Variants in SKAP1 observed in about 807,000 individuals in gnomAD.
SKAP1 encodes src kinase associated phosphoprotein 1.
Under a neutral mutation model 58.5 loss-of-function variants are expected in SKAP1, and 44 were observed. That is an observed-to-expected ratio of 0.75 (90% CI 0.59 to 0.97). The LOEUF (loss-of-function observed/expected upper bound fraction) is 0.97, where lower values mean the gene tolerates loss of function less well. Ranked by LOEUF, SKAP1 falls within the 50% of genes least tolerant of loss-of-function variation. The probability of loss-of-function intolerance (pLI) is 0.00; values close to 1 mark genes in which losing one functional copy is unlikely to be tolerated. For synonymous variants in SKAP1, 127 were observed against 149.7 expected, an observed-to-expected ratio of 0.85 and a Z score of 1.11; for missense variants, 390 against 435.2, an observed-to-expected ratio of 0.90 and a Z score of 0.92.
At chr17:48,312,538 G>C (rs773965861) in intron 4 of SKAP1, among the ~76,000 whole-genome samples, 1 of 152,134 alleles carries the variant, frequency 6.6e-6, no homozygotes, top group Non-Finnish European at 1.5e-5. Flanking sequence ...ATAATACCAG[G>C]GTAAAGAAAA....
upstream of SKAP1, among the ~76,000 whole-genome samples, chr17:48,430,772 C>A (rs529177379): frequency 7.2e-5 from 11 of 152,352 alleles, no homozygotes; most frequent in African/African-American, 2.6e-4. Context: ...GGAAACCAAA[C>A]TGTGCTGTTC....
intron 4 of SKAP1, among the ~76,000 whole-genome samples, chr17:48,238,601 G>A (rs1370146329): frequency 1.3e-5 from 2 of 151,958 alleles, no homozygotes; most frequent in Non-Finnish European, 2.9e-5. Flanking sequence ...TCGAACTCCT[G>A]GGCTCAAGCA....
chr17:48,247,252 G>A (rs533483632), intron 4 of SKAP1, among the ~76,000 whole-genome samples: 16 of 152,192 alleles, frequency 1.1e-4, no homozygotes, highest in Non-Finnish European at 2.2e-4. Context: ...ATTCCATTGG[G>A]AAGACCTGTA....
chr17:48,348,377 GA>G (rs1188564363), intron 3 of SKAP1, among the ~76,000 whole-genome samples: 3 of 146,536 alleles, frequency 2.0e-5, no homozygotes, highest in Admixed American at 1.4e-4. Flanking sequence ...AAAGAAGAAA[GA>G]AAAAAAGTAC....
intron 1 of SKAP1, among the ~76,000 whole-genome samples, chr17:48,425,126 C>T (rs144913337): frequency 5.9e-5 from 9 of 152,094 alleles, no homozygotes; most frequent in South Asian, 2.1e-4. Context: ...GTCATGGTGG[C>T]GTGCGCCAGT....
At chr17:48,170,581 G>T in intron 10 of SKAP1, 28 bp downstream of exon 10, 1 of 1,599,044 alleles carries the variant, frequency 6.3e-7, no homozygotes, top group Non-Finnish European at 8.6e-7. Flanking sequence ...GTCCTACCCA[G>T]TGCCTGTGCA....
intron 1 of SKAP1, among the ~76,000 whole-genome samples, chr17:48,405,434 T>C (rs1443899960): frequency 7.2e-5 from 6 of 83,830 alleles, no homozygotes; most frequent in Admixed American, 1.3e-4. Flanking sequence ...TCTTTCTTTC[T>C]TTCTTTCTTT....
chr17:48,400,662 A>G (rs2067488551), intron 1 of SKAP1, among the ~76,000 whole-genome samples: 3 of 151,982 alleles, frequency 2.0e-5, no homozygotes, highest in African/African-American at 7.3e-5. Context: ...AGGTGGCCTC[A>G]TTTGAGCCCA....
intron 4 of SKAP1, among the ~76,000 whole-genome samples, chr17:48,295,860 G>A (rs1244723544): frequency 6.6e-6 from 1 of 151,048 alleles, no homozygotes; most frequent in Non-Finnish European, 1.5e-5. Context: ...TAAGCATTAG[G>A]AAAATGAGTA....
At chr17:48,141,855 C>T (rs141862469) in intron 11 of SKAP1, among the ~76,000 whole-genome samples, 1 of 152,310 alleles carries the variant, frequency 6.6e-6, no homozygotes, top group Admixed American at 6.5e-5. Flanking sequence ...TGTTTAGCCT[C>T]TACTTCCCTT....
chr17:48,247,131 T>C (rs1398742558), intron 4 of SKAP1, among the ~76,000 whole-genome samples: 1 of 152,168 alleles, frequency 6.6e-6, no homozygotes, highest in Non-Finnish European at 1.5e-5. Context: ...ATACACAAAT[T>C]CACTTACTTT....
At chr17:48,361,928 G>C (rs2066943804) in intron 3 of SKAP1, among the ~76,000 whole-genome samples, 1 of 152,034 alleles carries the variant, frequency 6.6e-6, no homozygotes, top group Non-Finnish European at 1.5e-5. Flanking sequence ...AATCAGCTAA[G>C]GTCTGATCAA....
At chr17:48,375,280 AAAC>A (rs1279236350) in intron 2 of SKAP1, among the ~76,000 whole-genome samples, 1 of 152,116 alleles carries the variant, frequency 6.6e-6, no homozygotes, top group Non-Finnish European at 1.5e-5. Context: ...ATTAAATAAT[AAAC>A]AACATTATCT....
chr17:48,354,377 A>G (rs974213318), intron 3 of SKAP1, among the ~76,000 whole-genome samples: 1 of 152,246 alleles, frequency 6.6e-6, no homozygotes, highest in African/African-American at 2.4e-5. Flanking sequence ...TTTATTTAAA[A>G]AAATTACTTT....
the SKAP1 span, among the ~76,000 whole-genome samples, chr17:48,442,027 C>T: frequency 1.1e-4 from 16 of 152,092 alleles, no homozygotes; most frequent in Non-Finnish European, 1.9e-4. Context: ...GTGGCAAGCA[C>T]CAAGGGTTTG....
intron 2 of SKAP1, among the ~76,000 whole-genome samples, chr17:48,394,456 C>T (rs992968528): frequency 1.3e-5 from 2 of 152,000 alleles, no homozygotes; most frequent in African/African-American, 4.8e-5. Flanking sequence ...ATCCTCCTAC[C>T]TCAGCCTCCC....
intron 9 of SKAP1, 65 bp downstream of exon 9, chr17:48,179,989 A>T (rs2064345906): frequency 3.5e-6 from 5 of 1,419,022 alleles, no homozygotes; most frequent in Non-Finnish European, 4.8e-6. Context: ...CAAAGTTATT[A>T]TTCTTCCACC....
At chr17:48,309,783 C>T (rs960411741) in intron 4 of SKAP1, among the ~76,000 whole-genome samples, 6 of 152,194 alleles carry the variant, frequency 3.9e-5, no homozygotes, top group Non-Finnish European at 5.9e-5. Flanking sequence ...TCAGCTACTA[C>T]TAGGTGCCTA....
chr17:48,298,808 A>G (rs1450850114), intron 4 of SKAP1, among the ~76,000 whole-genome samples: 3 of 152,150 alleles, frequency 2.0e-5, no homozygotes, highest in Non-Finnish European at 4.4e-5. Context: ...TTTCCATGTT[A>G]GTGGGGGAAG....
Sources: allele counts gnomAD v4.1 joint callset (sites outside exome capture counted in the v4.1 genomes callset), GRCh38; gene constraint gnomAD v4.1.1; transcripts MANE v1.5; gene names NCBI Gene and HGNC (gene_info 2026-07-23, HGNC 2026-07-21).